ANKRD17: variants seen among roughly 807,000 people sequenced by gnomAD.
ANKRD17 encodes ankyrin repeat domain 17, also known as ankyrin repeat domain-containing protein 17.
Under a neutral mutation model 229.7 loss-of-function variants are expected in ANKRD17, and 19 were observed. The observed-to-expected ratio is 0.08, with a 90% CI of 0.06 to 0.12. The LOEUF is 0.12. ANKRD17 is among the 10% of genes least tolerant of loss of function. The pLI is 1.00. For synonymous variants in ANKRD17, 1,112 were observed against 1,146.1 expected, an observed-to-expected ratio of 0.97 and a Z score of 0.60; for missense variants, 2,176 against 3,176.8, an observed-to-expected ratio of 0.68 and a Z score of 7.57.
At chr4:73,112,990 G>A (rs1578086313) in intron 24 of ANKRD17, 1 of 691,406 alleles carries the variant, frequency 1.4e-6, no homozygotes, top group African/African-American at 1.9e-5. Context: ...GTTTTGCCAT[G>A]TTGGCCAGGC....
chr4:73,085,769 G>C (rs1187923642), intron 29 of ANKRD17, among the ~76,000 whole-genome samples: 2 of 151,144 alleles, frequency 1.3e-5, no homozygotes, highest in Admixed American at 1.3e-4. Context: ...GGGCCAAAGT[G>C]AGAGGACTGC....
At chr4:73,215,138 G>T (rs1333379313) in intron 1 of ANKRD17, among the ~76,000 whole-genome samples, 1 of 152,200 alleles carries the variant, frequency 6.6e-6, no homozygotes, top group African/African-American at 2.4e-5. Flanking sequence ...CAATTCAAAT[G>T]ATTTGTCATC....
intron 23 of ANKRD17, 55 bp downstream of exon 23, chr4:73,115,765 TG>T: frequency 1.5e-6 from 2 of 1,345,596 alleles, no homozygotes; most frequent in Non-Finnish European, 2.1e-6. Context: ...ATTCTTAGAA[TG>T]GAAGATATAT....
intron 2 of ANKRD17, among the ~76,000 whole-genome samples, chr4:73,171,919 C>T (rs906947808): frequency 2.0e-5 from 3 of 151,914 alleles, no homozygotes; most frequent in African/African-American, 7.3e-5. Flanking sequence ...CCTACAAGAT[C>T]CAGAAAACAG....
intron 25 of ANKRD17, 78 bp from the exon 26 acceptor site, chr4:73,098,598 G>C: frequency 7.5e-7 from 1 of 1,334,414 alleles, no homozygotes; most frequent in South Asian, 1.4e-5. Flanking sequence ...TTGAAGAAAA[G>C]AAAAACCCAG....
intron 29 of ANKRD17, among the ~76,000 whole-genome samples, chr4:73,087,599 T>C (rs1189753596): frequency 6.6e-6 from 1 of 152,196 alleles, no homozygotes; most frequent in African/African-American, 2.4e-5. Context: ...AATGTGTGAA[T>C]CTTGATTGAG....
At chr4:73,092,348 G>A in intron 28 of ANKRD17, 48 bp from the exon 29 acceptor site, 1 of 1,472,514 alleles carries the variant, frequency 6.8e-7, no homozygotes, top group Non-Finnish European at 9.2e-7. Flanking sequence ...CTACTTTTGA[G>A]TATGTAAAGT....
intron 4 of ANKRD17, 32 bp downstream of exon 4, chr4:73,155,986 AC>A: frequency 1.1e-5 from 17 of 1,541,382 alleles, no homozygotes; most frequent in Non-Finnish European, 1.5e-5. Context: ...TTTTAAAAAA[AC>A]AACAAATAAG....
chr4:73,135,056 A>G, intron 16 of ANKRD17, 61 bp downstream of exon 16: 1 of 1,498,410 alleles, frequency 6.7e-7, no homozygotes, highest in Non-Finnish European at 9.1e-7. Context: ...CTGAAAGTTA[A>G]TGTTTTTAAT....
rs574537257 is a variant in ANKRD17, at chr4:73,073,427, C to CT, written c.*2803dup. Reference sequence around the variant, plus strand: ...TAGAGGATCTGAAGAGATTTTATAACTTTGAGTTTTCCTGTTTAGTCTAAC... The same window carrying CT: ...TAGAGGATCTGAAGAGATTTTATAACTTTTGAGTTTTCCTGTTTAGTCTAAC... On this transcript the variant is annotated 3_prime_UTR_variant, in exon 34 of 34. Coordinates refer to ENST00000358602, the MANE Select transcript of ANKRD17 (RefSeq NM_032217.5). The CT allele has an allele frequency of 7.4e-4, 113 of 152,078 alleles. 1 individual carries two copies. The highest frequency in any genetic ancestry group is 2.4e-3 in the African/African-American group (99 of 41,526). 9.4% of individuals were successfully genotyped at this position (152,078 alleles called of 1,614,324 possible). A position where few individuals can be genotyped will look rare whatever the true frequency, so the allele number is the denominator to read the frequency against.
At chr4:73,093,939 C>A in intron 28 of ANKRD17, 140 bp downstream of exon 28, 1 of 774,940 alleles carries the variant, frequency 1.3e-6, no homozygotes, top group Non-Finnish European at 2.0e-6. Context: ...TAAAATTTAT[C>A]TTCTCAAACA....
At chr4:73,175,731 G>A (rs1031877974) in intron 2 of ANKRD17, among the ~76,000 whole-genome samples, 25 of 152,224 alleles carry the variant, frequency 1.6e-4, no homozygotes, top group African/African-American at 5.3e-4. Flanking sequence ...AATAAATGGT[G>A]CTGGGAAAGC....
intron 1 of ANKRD17, among the ~76,000 whole-genome samples, chr4:73,232,240 C>A (rs1743113195): frequency 6.6e-6 from 1 of 152,146 alleles, no homozygotes; most frequent in East Asian, 1.9e-4. Context: ...CACCTTCCTT[C>A]TTCTAGCTCT....
intron 1 of ANKRD17, among the ~76,000 whole-genome samples, chr4:73,191,339 A>ATGTGTGTGTGTGTGTG (rs1203366910): frequency 0.012 from 711 of 60,730 alleles, 5 homozygotes; most frequent in African/African-American, 0.018. Context: ...CAAAAAATAT[A>ATGTGTGTGTGTGTGTG]TATGTGTGTG....
At position 73,091,016 on chromosome 4, in the gene ANKRD17, A is replaced by G; in HGVS notation, c.6612T>C (p.Ser2204=). Residue 2204 remains serine (S), a synonymous_variant, in exon 29 of 34, where the codon AGT becomes AGC. Coordinates refer to ENST00000358602, the MANE Select transcript of ANKRD17 (RefSeq NM_032217.5). ...SVQNSSVAVL[S]VNHIKRPHSV... Reference sequence around the variant, plus strand: ...TGTGAGGTCTTTTAATGTGATTGACACTGAGGACTGCAACAGATGAATTTT... The same window carrying G: ...TGTGAGGTCTTTTAATGTGATTGACGCTGAGGACTGCAACAGATGAATTTT... The G allele has an allele frequency of 6.2e-7, 1 of 1,614,226 alleles. No homozygotes were observed. The highest frequency in any genetic ancestry group is 8.5e-7 in the Non-Finnish European group (1 of 1,180,034).
intron 13 of ANKRD17, 99 bp downstream of exon 13, chr4:73,142,143 T>A (rs1729693321): frequency 1.6e-6 from 2 of 1,253,236 alleles, no homozygotes; most frequent in South Asian, 1.7e-5. Context: ...GAACTACATA[T>A]TAGAACAAAA....
intron 1 of ANKRD17, among the ~76,000 whole-genome samples, chr4:73,236,291 G>C (rs1743503981): frequency 6.6e-6 from 1 of 152,088 alleles, no homozygotes; most frequent in African/African-American, 2.4e-5. Context: ...AAGTAGCTAG[G>C]ACTACCAGTA....
intron 31 of ANKRD17, 82 bp from the exon 32 acceptor site, chr4:73,077,615 A>T: frequency 8.0e-7 from 1 of 1,243,834 alleles, no homozygotes; most frequent in African/African-American, 1.6e-5. Flanking sequence ...AATATTTTCC[A>T]CATTGAACCG....
At chr4:73,191,339 A>ATGTG (rs1203366910) in intron 1 of ANKRD17, among the ~76,000 whole-genome samples, 1,125 of 60,748 alleles carry the variant, frequency 0.019, 18 homozygotes, top group African/African-American at 0.045. Flanking sequence ...CAAAAAATAT[A>ATGTG]TATGTGTGTG....
Sources: allele counts gnomAD v4.1 joint callset (sites outside exome capture counted in the v4.1 genomes callset), GRCh38; gene constraint gnomAD v4.1.1; transcripts MANE v1.5; gene names NCBI Gene and HGNC (gene_info 2026-07-23, HGNC 2026-07-21).